IHO1: variants seen among roughly 807,000 people sequenced by gnomAD.
The protein encoded by IHO1 is interactor of HORMAD1 protein 1.
A neutral mutation model predicts 31.0 loss-of-function variants in IHO1; 13 were observed. The observed-to-expected ratio is 0.42, with a 90% CI of 0.27 to 0.67. The LOEUF is 0.67. Among genes scored for constraint, IHO1 ranks in the 30% least tolerant of loss-of-function variants. The probability of loss-of-function intolerance (pLI) is 0.24; values close to 1 mark genes in which losing one functional copy is unlikely to be tolerated. For missense variants in IHO1, 599 were observed against 687.5 expected, an observed-to-expected ratio of 0.87 and a Z score of 1.44; for synonymous variants, 221 against 248.4, an observed-to-expected ratio of 0.89 and a Z score of 1.04.
chr3:49,233,635 C>T (rs1266865335), intron 2 of IHO1, among the ~76,000 whole-genome samples: 1 of 152,198 alleles, frequency 6.6e-6, no homozygotes, highest in Non-Finnish European at 1.5e-5. Flanking sequence ...AGAAGTAGCT[C>T]ACCATGACAA....
intron 1 of IHO1, among the ~76,000 whole-genome samples, chr3:49,203,875 G>A (rs2046100451): frequency 6.6e-6 from 1 of 152,182 alleles, no homozygotes; most frequent in Admixed American, 6.5e-5. Flanking sequence ...GCACCTGGAA[G>A]ATGGAAGTGT....
chr3:49,207,047 C>CAAA lies in IHO1; in HGVS notation c.-15-4701_-15-4699dup, dbSNP rs71077775. On this transcript the variant is annotated intron_variant, in intron 1 of 7. Transcript: ENST00000452691. The stretch of plus-strand genomic sequence containing the variant: ...TGGGTGACAGAGCAAGACTCTGTCT[C>CAAA]AAAAAAAAAAAAAAAAAAAAGCCTC... 1.4e-3 allele frequency among the ~76,000 whole-genome samples: 69 copies of CAAA among 48,614 alleles called. 2 individuals are homozygous for CAAA. Among genetic ancestry groups the CAAA allele is most frequent in the African/African-American group, 2.6e-3 (33 of 12,812 alleles). 31.9% of individuals were successfully genotyped at this position (48,614 alleles called of 152,430 possible).
upstream of IHO1, among the ~76,000 whole-genome samples, chr3:49,197,489 G>A (rs1470066141): frequency 6.6e-6 from 1 of 151,984 alleles, no homozygotes; most frequent in Non-Finnish European, 1.5e-5. Context: ...CTTTATTTAG[G>A]TAAAATTAAT....
intron 2 of IHO1, among the ~76,000 whole-genome samples, chr3:49,230,837 C>A (rs146867282): frequency 3.3e-5 from 5 of 152,160 alleles, no homozygotes; most frequent in Non-Finnish European, 5.9e-5. Flanking sequence ...TAATTGGATA[C>A]AACCTGTTCT....
chr3:49,199,903 A>T (rs1436692452), intron 1 of IHO1: 1 of 152,266 alleles, frequency 6.6e-6, no homozygotes, highest in Non-Finnish European at 1.5e-5. Context: ...GCGGAGACCC[A>T]GAGAAGCCCG....
chr3:49,210,844 C>T (rs760425118), intron 1 of IHO1, among the ~76,000 whole-genome samples: 1 of 151,320 alleles, frequency 6.6e-6, no homozygotes, highest in South Asian at 2.1e-4. Context: ...ACTACAGGCA[C>T]GTCCCACCAC....
At chr3:49,246,943 G>C (rs754609785) in intron 6 of IHO1, among the ~76,000 whole-genome samples, 46 of 150,328 alleles carry the variant, frequency 3.1e-4, no homozygotes, top group Non-Finnish European at 5.9e-4. Flanking sequence ...CTGCCTCCCA[G>C]GTTCAAGCGA....
chr3:49,225,856 C>T (rs1445245811), intron 2 of IHO1, among the ~76,000 whole-genome samples: 2 of 152,104 alleles, frequency 1.3e-5, no homozygotes, highest in African/African-American at 4.8e-5. Flanking sequence ...AATTTCCTGG[C>T]CCTCGATGGT....
rs150085862 is a variant in IHO1, at chr3:49,228,881, G to A, written c.57-7667G>A. ...CGGGTTGCCTTTGCTGGCTGGGGTG[G>A]CCAGCTTTTACTCCCTTATTTGGCC... On this transcript the variant is annotated intron_variant, in intron 2 of 7. Transcript: ENST00000452691. 3.0e-3 allele frequency among the ~76,000 whole-genome samples: 464 copies of A among 152,326 alleles called. 2 individuals carry two copies. Among genetic ancestry groups the A allele is most frequent in the African/African-American group, 0.011 (452 of 41,578 alleles).
At chr3:49,228,392 C>T (rs1330827753) in intron 2 of IHO1, 1 of 435,862 alleles carries the variant, frequency 2.3e-6, no homozygotes, top group South Asian at 1.7e-5. Flanking sequence ...TGTCTTTAGT[C>T]CAGCGGCCAC....
intron 2 of IHO1, among the ~76,000 whole-genome samples, chr3:49,217,483 TG>T (rs1300924578): frequency 3.0e-4 from 2 of 6,588 alleles, no homozygotes; most frequent in African/African-American, 1.3e-3. Context: ...CCAGGCTGGT[TG>T]GGGGGTGGGG....
At chr3:49,215,146 G>A (rs1286824478) in intron 2 of IHO1, among the ~76,000 whole-genome samples, 1 of 151,246 alleles carries the variant, frequency 6.6e-6, no homozygotes, top group Non-Finnish European at 1.5e-5. Flanking sequence ...TGCCTCCCAG[G>A]TTCAAGCAAT....
At chr3:49,203,965 G>C (rs944240009) in intron 1 of IHO1, among the ~76,000 whole-genome samples, 1 of 152,174 alleles carries the variant, frequency 6.6e-6, no homozygotes, top group Non-Finnish European at 1.5e-5. Context: ...CATTGTCTTA[G>C]TCCGTTTTGT....
At chr3:49,244,847 G>C (rs773177255) in intron 6 of IHO1, 114 bp downstream of exon 6, 1 of 901,754 alleles carries the variant, frequency 1.1e-6, no homozygotes, top group Non-Finnish European at 1.8e-6. Flanking sequence ...TTTCAGATGA[G>C]AGGATGGGTA....
chr3:49,228,410 A>G, intron 2 of IHO1: 1 of 413,014 alleles, frequency 2.4e-6, no homozygotes, highest in South Asian at 1.8e-5. Flanking sequence ...CACGCTAGTC[A>G]CTTTTAACTG....
the IHO1 span, chr3:49,191,709 G>A: frequency 6.3e-7 from 1 of 1,592,478 alleles, no homozygotes; most frequent in South Asian, 1.1e-5. Flanking sequence ...CAACCAGAGG[G>A]CCAGGGGCCA....
intron 6 of IHO1, among the ~76,000 whole-genome samples, chr3:49,246,602 C>T (rs1037343299): frequency 2.6e-5 from 4 of 151,832 alleles, no homozygotes; most frequent in Admixed American, 1.3e-4. Context: ...GAGCTGAGAT[C>T]GTGCCACTGT....
In IHO1 at chr3:49,236,529, TTTTTTTG is replaced by T; in HGVS notation, c.57-18_57-12del. 6.4e-7 allele frequency: 1 copy of T among 1,573,162 alleles called. No homozygotes were observed. The highest frequency in any genetic ancestry group is 1.1e-5 in the South Asian group (1 of 89,130). On this transcript the variant is annotated splice_polypyrimidine_tract_variant and intron_variant, in intron 2 of 7. Transcript: ENST00000452691. ...AGGATATTTGTCTATTTGATACACTTTTTTTTGCTAAATTTCAGGAACAAGAAGTCAT... is the reference window on the plus strand; with the variant it reads ...AGGATATTTGTCTATTTGATACACTTCTAAATTTCAGGAACAAGAAGTCAT...
intron 2 of IHO1, among the ~76,000 whole-genome samples, chr3:49,227,172 C>G (rs1401464241): frequency 1.3e-5 from 2 of 152,198 alleles, no homozygotes; most frequent in Non-Finnish European, 2.9e-5. Flanking sequence ...TTCACTCTTA[C>G]AGAAAAGGTT....
Sources: allele counts gnomAD v4.1 joint callset (sites outside exome capture counted in the v4.1 genomes callset), GRCh38; gene constraint gnomAD v4.1.1; transcripts MANE v1.5; gene names NCBI Gene and HGNC (gene_info 2026-07-23, HGNC 2026-07-21).